ZNF836: variants seen among roughly 807,000 people sequenced by gnomAD.
The protein encoded by ZNF836 is zinc finger protein 836.
Under a neutral mutation model 7.4 loss-of-function variants are expected in ZNF836, and 12 were observed. The observed-to-expected ratio is 1.61, with a 90% CI of 1.03 to 2.61. The LOEUF (loss-of-function observed/expected upper bound fraction) is 2.61. Ranked by LOEUF, ZNF836 falls within the 30% of genes most tolerant of loss-of-function variation. ZNF836 has a pLI of 0.00. For synonymous variants in ZNF836, 365 were observed against 382.6 expected (o/e 0.95, Z 0.54); for missense variants, 998 against 1,126.2 (o/e 0.89, Z 1.63).
chr19:52,168,452 G>A (rs2089283958), intron 2 of ZNF836, among the ~76,000 whole-genome samples: 1 of 152,068 alleles, frequency 6.6e-6, no homozygotes, highest in Non-Finnish European at 1.5e-5. Flanking sequence ...GCCGGGTGTG[G>A]TGGCATGCAC....
chr19:52,168,216 A>C, intron 2 of ZNF836, 64 bp from the exon 3 acceptor site: 1 of 1,082,546 alleles, frequency 9.2e-7, no homozygotes, highest in Non-Finnish European at 1.3e-6. Flanking sequence ...CGCTACAACC[A>C]TGCCCACAGG....
chr19:52,155,411 C>T lies in ZNF836; in HGVS notation c.2272G>A (p.Val758Ile). 1 of 1,614,116 alleles carries T rather than the reference C, an allele frequency of 6.2e-7. No homozygotes were observed. Among genetic ancestry groups the T allele is most frequent in the African/African-American group, 1.3e-5 (1 of 75,020 alleles). ...MPYKCIECGQ[V>I]FNSTSNLARH... is the part of the protein sequence containing the mutation. Reference sequence around the variant, plus strand: ...GCAAGGTTCGAAGTGGAATTAAAGACCTGGCCACATTCAATACATTTGTAT... The same window carrying T: ...GCAAGGTTCGAAGTGGAATTAAAGATCTGGCCACATTCAATACATTTGTAT... Residue 758 changes from valine to isoleucine, a missense_variant, in exon 5 of 5, where the codon GTC becomes ATC. Coordinates refer to ENST00000682614, the MANE Select transcript of ZNF836 (RefSeq NM_001102657.3).
Position 52,168,088 on chromosome 19 carries a change from T to C in ZNF836, c.-16A>G. 6.2e-7 allele frequency: 1 copy of C among 1,612,144 alleles called. No homozygotes were observed. Among genetic ancestry groups the C allele is most frequent in the Non-Finnish European group, 8.5e-7 (1 of 1,178,878 alleles). ...TAAGAGCCATCCCTGACTCCTTTTC[T>C]TTCCTCTTCTTCCTCTTCTGGGCTT... On this transcript the variant is annotated 5_prime_UTR_variant, in exon 3 of 5. Coordinates refer to ENST00000682614, the MANE Select transcript of ZNF836 (RefSeq NM_001102657.3).
In ZNF836 at chr19:52,169,698, C is replaced by G. The variant is rs908795991; in HGVS notation, c.-131G>C. 2 of 151,456 alleles carry G rather than the reference C, an allele frequency of 1.3e-5. No homozygotes were observed. Among genetic ancestry groups the G allele is most frequent in the Non-Finnish European group, 1.5e-5 (1 of 68,056 alleles). 9.4% of individuals were successfully genotyped at this position (151,456 alleles called of 1,614,324 possible). ...CGTCTGTAATCCCAGCACTCTGAGG[C>G]AGAAAGACTGCTTGAGCCCAGGAGG... On this transcript the variant is annotated 5_prime_UTR_variant, in exon 2 of 5. Coordinates refer to ENST00000682614, the MANE Select transcript of ZNF836 (RefSeq NM_001102657.3).
chr19:52,160,709 A>G, intron 3 of ZNF836, 118 bp from the exon 4 acceptor site: 1 of 1,297,392 alleles, frequency 7.7e-7, no homozygotes, highest in Non-Finnish European at 1.0e-6. Flanking sequence ...TATCCATGCA[A>G]GGCATCTGTG....
intron 4 of ZNF836, 60 bp downstream of exon 4, chr19:52,160,405 A>G: frequency 6.2e-7 from 1 of 1,610,278 alleles, no homozygotes; most frequent in Admixed American, 1.7e-5. Flanking sequence ...GAAAGACAAC[A>G]GAGAAAATAC....
intron 3 of ZNF836, among the ~76,000 whole-genome samples, chr19:52,163,604 C>T (rs1600142067): frequency 6.6e-6 from 1 of 152,158 alleles, no homozygotes; most frequent in Non-Finnish European, 1.5e-5. Context: ...GAAACCCCGT[C>T]TCTACTGAAA....
chr19:52,157,303 T>C lies in ZNF836; in HGVS notation c.380A>G (p.His127Arg). 1 of 1,605,814 alleles carries C rather than the reference T, an allele frequency of 6.2e-7. No individual in the cohort carries two copies. Among genetic ancestry groups the C allele is most frequent in the East Asian group, 2.2e-5 (1 of 44,788 alleles). ...KNNLNGKRGQ[H>R]SQEDVENKCI... ...TTTGTTTTCTACATCCTCTTGACTA[T>C]GTTGACCTCTTTTACCATTAAGATT... The change falls in exon 5 of 5, where the codon CAT (histidine) becomes CGT (arginine). Residue 127 changes from histidine to arginine, a missense_variant. Coordinates refer to ENST00000682614, the MANE Select transcript of ZNF836 (RefSeq NM_001102657.3).
chr19:52,155,343 ACATTTGTAAGGTTTCTCTC>A lies in ZNF836; in HGVS notation c.2321_2339del (p.Gly774ValfsTer14), dbSNP rs773731491. ...GACGAAAGACCTTGCCACATTCATT[ACATTTGTAAGGTTTCTCTC>A]CAGTGTGAATTCTCCGATGCCTTGC... On this transcript the variant is annotated frameshift_variant, in exon 5 of 5. Transcript: ENST00000682614. LOFTEE classifies it low-confidence loss of function (END_TRUNC). 3 of 1,614,142 alleles carry A rather than the reference ACATTTGTAAGGTTTCTCTC, an allele frequency of 1.9e-6. No homozygotes were observed. Among genetic ancestry groups the A allele is most frequent in the Non-Finnish European group, 2.5e-6 (3 of 1,180,010 alleles).
chr19:52,160,291 G>T (rs1010938671), intron 4 of ZNF836, 174 bp downstream of exon 4: 3 of 704,756 alleles, frequency 4.3e-6, no homozygotes, highest in Non-Finnish European at 7.2e-6. Context: ...AAAGGGGATA[G>T]TGTGATGATA....
Position 52,156,611 on chromosome 19 carries a change from A to G in ZNF836, c.1072T>C (p.Tyr358His). Residue 358 changes from tyrosine to histidine, a missense_variant, in exon 5 of 5, where the codon TAT (tyrosine) becomes CAT (histidine). Transcript: ENST00000682614. ...ACCTTGCCACATATATCACATTGAT[A>G]TGGTTTCTCTCCTGTATGGATTATC... Reference protein sequence around the residue: ...HQIIHTGEKPYQCDICGKVFR... With the variant: ...HQIIHTGEKPHQCDICGKVFR... The G allele has an allele frequency of 1.9e-6, 3 of 1,613,472 alleles. No homozygotes were observed. The South Asian group carries it at 3.3e-5, about 18-fold the overall frequency.
intron 4 of ZNF836, 84 bp downstream of exon 4, chr19:52,160,381 G>A: frequency 6.4e-7 from 1 of 1,571,092 alleles, no homozygotes. Flanking sequence ...GTCAAATAAT[G>A]GAAGGGCTCC....
At chr19:52,162,343 C>T (rs766314902) in intron 3 of ZNF836, among the ~76,000 whole-genome samples, 5 of 152,230 alleles carry the variant, frequency 3.3e-5, no homozygotes, top group African/African-American at 4.8e-5. Flanking sequence ...GACAGCCTCA[C>T]TCCTATGGCA....
rs34929285 is a variant in ZNF836, at chr19:52,164,393, C to CA, written c.15+3664dup. On this transcript the variant is annotated intron_variant, in intron 3 of 4. Coordinates refer to ENST00000682614, the MANE Select transcript of ZNF836 (RefSeq NM_001102657.3). ...GGGCAACAGGAGTGAAACTCTGTCT[C>CA]AAAAAAAAAAAAGAGAAAGAAAGAG... is the stretch of plus-strand genomic sequence containing the variant. Among the ~76,000 whole-genome samples the CA allele has an allele frequency of 6.6e-3, 796 of 120,842 alleles. 7 individuals are homozygous for CA. Among genetic ancestry groups the CA allele is most frequent in the African/African-American group, 0.014 (491 of 34,288 alleles). 79.3% of individuals were successfully genotyped at this position (120,842 alleles called of 152,430 possible). A position where few individuals can be genotyped will look rare whatever the true frequency, so the allele number is the denominator to read the frequency against.
At position 52,154,536 on chromosome 19, in the gene ZNF836, G is replaced by A; in HGVS notation, c.*336C>T. 5.7e-6 allele frequency: 1 copy of A among 175,532 alleles called. No individual in the cohort carries two copies. Among genetic ancestry groups the A allele is most frequent in the Non-Finnish European group, 1.2e-5 (1 of 81,850 alleles). 10.9% of individuals were successfully genotyped at this position (175,532 alleles called of 1,614,324 possible). On this transcript the variant is annotated 3_prime_UTR_variant, in exon 5 of 5. Transcript: ENST00000682614. Reference sequence around the variant, plus strand: ...TAGCCAGGCATGGTGGTGTGCACCTGTAGTCCCAGCTACTCAGGGAGACTG... The same window carrying A: ...TAGCCAGGCATGGTGGTGTGCACCTATAGTCCCAGCTACTCAGGGAGACTG...
Position 52,171,337 on chromosome 19 carries a change from T to C in ZNF836, c.-216A>G, listed in dbSNP as rs1338777123. 2.6e-5 allele frequency: 4 copies of C among 152,408 alleles called. No homozygotes were observed. Among genetic ancestry groups the C allele is most frequent in the Non-Finnish European group, 5.9e-5 (4 of 68,244 alleles). 9.4% of individuals were successfully genotyped at this position (152,408 alleles called of 1,614,324 possible). ...AAGGGAAGCAATTATCAGACTTACT[T>C]GGGGCGAAGGGGCTGTTGCTGGTAT... is the stretch of plus-strand genomic sequence containing the variant. On this transcript the variant is annotated splice_region_variant and 5_prime_UTR_variant, in exon 1 of 5. Transcript: ENST00000682614.
At position 52,156,508 on chromosome 19, in the gene ZNF836, C is replaced by G. The variant is rs1158811855; in HGVS notation, c.1175G>C (p.Gly392Ala). The G allele has an allele frequency of 1.9e-6, 3 of 1,614,140 alleles. No individual in the cohort carries two copies. The highest frequency in any genetic ancestry group is 1.6e-4 in the Middle Eastern group (1 of 6,062). Residue 392 changes from glycine (G) to alanine (A), a missense_variant, in exon 5 of 5, where the codon GGA becomes GCA. By Grantham distance (60) the Gly-to-Ala change is moderately conservative. Coordinates refer to ENST00000682614, the MANE Select transcript of ZNF836 (RefSeq NM_001102657.3). ...GEKPYKCNIC[G>A]KSFSQSSNLA... Reference sequence around the variant, plus strand: ...GTTGGAACTTTGACTAAAGGACTTTCCACATATGTTGCATTTGTATGGTTT... The same window carrying G: ...GTTGGAACTTTGACTAAAGGACTTTGCACATATGTTGCATTTGTATGGTTT...
At position 52,156,793 on chromosome 19, in the gene ZNF836, G is replaced by A. The variant is rs758726721; in HGVS notation, c.890C>T (p.Thr297Ile). ...SDLVNHRRSH[T>I]GEKPYKCNEC... The stretch of plus-strand genomic sequence containing the variant: ...ATTACATTTGTACGGTTTCTCTCCA[G>A]TGTGACTTCTCCGGTGATTTACAAG... The change falls in exon 5 of 5, where the codon ACT becomes ATT. Residue 297 changes from threonine (T) to isoleucine (I), a missense_variant. Coordinates refer to ENST00000682614, the MANE Select transcript of ZNF836 (RefSeq NM_001102657.3). The A allele has an allele frequency of 1.2e-6, 2 of 1,614,120 alleles. No homozygotes were observed.
Position 52,160,515 on chromosome 19 carries a change from G to T in ZNF836, c.92C>A (p.Ala31Asp), listed in dbSNP as rs771248457. 3.7e-6 allele frequency: 6 copies of T among 1,614,108 alleles called. No homozygotes were observed. In the Admixed American group the frequency reaches 5.0e-5, roughly 13 times the overall value. Residue 31 changes from alanine to aspartate, a missense_variant, in exon 4 of 5, where the codon GCT becomes GAT. Ala to Asp is a moderately radical substitution (Grantham distance 126, BLOSUM62 -2). Coordinates refer to ENST00000682614, the MANE Select transcript of ZNF836 (RefSeq NM_001102657.3). ...EWKSLDPVQK[A>D]LYWDVMLENY... ...CTCCAACATCACATCCCAGTACAAA[G>T]CTTTCTGCACAGGGTCCAGGGATTT...
Sources: gnomAD v4.1 joint callset for allele counts (sites outside exome capture counted in the v4.1 genomes callset) on GRCh38, gnomAD v4.1.1 for gene constraint, MANE v1.5 for transcripts, NCBI Gene and HGNC (gene_info 2026-07-23, HGNC 2026-07-21) for gene names.